The following EEA1 variants were observed in gnomAD, a reference collection of about 807,000 sequenced individuals.
The protein encoded by EEA1 is early endosome antigen 1, also known as early endosome antigen 1, 162kD.
In EEA1, 111 loss-of-function variants were observed where a neutral mutation model predicts 209.2. The observed-to-expected ratio is 0.53, with a 90% CI of 0.45 to 0.62. EEA1 has a LOEUF of 0.62. EEA1 is among the 20% of genes least tolerant of loss of function. The pLI is 0.00. For synonymous variants in EEA1, 536 were observed against 540.6 expected (o/e 0.99, Z 0.12); for missense variants, 1,343 against 1,530.8 (o/e 0.88, Z 2.05).
At position 92,923,160 on chromosome 12, in the gene EEA1, A is replaced by G. The variant is rs769663519; in HGVS notation, c.24+5883T>C. ...CAGGAGATCGAGACCATCCTGGCTA[A>G]CACAGTGAAACCCTGTCTCTACTAA... On this transcript the variant is annotated intron_variant, in intron 1 of 28. Coordinates refer to ENST00000322349, the MANE Select transcript of EEA1 (RefSeq NM_003566.4). Among the ~76,000 whole-genome samples the G allele has an allele frequency of 1.7e-3, 259 of 152,006 alleles. 3 individuals are homozygous for G. The highest frequency in any genetic ancestry group is 2.5e-3 in the Non-Finnish European group (172 of 67,974).
chr12:92,782,034 C>T lies in EEA1; in HGVS notation c.3252G>A (p.Lys1084=), dbSNP rs757872354. 6 of 1,613,160 alleles carry T rather than the reference C, an allele frequency of 3.7e-6. No individual in the cohort carries two copies. The South Asian group carries it at 6.6e-5, about 18-fold the overall frequency. The change falls in exon 23 of 29, where the codon AAG becomes AAA. Residue 1084 remains lysine, a synonymous_variant. Coordinates refer to ENST00000322349, the MANE Select transcript of EEA1 (RefSeq NM_003566.4). ...TTGCTGAATCCTGCTCCAATGTAGC[C>T]TTGGCAGTCTTCAGTTCTTGAATCA... is the stretch of plus-strand genomic sequence containing the variant. ...NKLIQELKTA[K]ATLEQDSAKK...
intron 2 of EEA1, among the ~76,000 whole-genome samples, chr12:92,878,277 A>G (rs1878998006): frequency 6.6e-6 from 1 of 152,186 alleles, no homozygotes; most frequent in Admixed American, 6.5e-5. Context: ...CTACCTTTGG[A>G]AAAAACAAAA....
intron 2 of EEA1, among the ~76,000 whole-genome samples, chr12:92,882,803 T>C (rs562508477): frequency 6.6e-6 from 1 of 152,372 alleles, no homozygotes; most frequent in East Asian, 1.9e-4. Flanking sequence ...ACCATTTCTT[T>C]TTTTTATCCA....
At chr12:92,837,846 T>C (rs575843401) in intron 10 of EEA1, among the ~76,000 whole-genome samples, 3 of 152,350 alleles carry the variant, frequency 2.0e-5, no homozygotes, top group African/African-American at 7.2e-5. Flanking sequence ...GGACATTTCA[T>C]GTAATAGCCT....
intron 20 of EEA1, among the ~76,000 whole-genome samples, chr12:92,801,304 A>G (rs1874897358): frequency 6.6e-6 from 1 of 151,926 alleles, no homozygotes; most frequent in South Asian, 2.1e-4. Context: ...TCAATTTTCT[A>G]CCTTTATTAA....
chr12:92,884,633 A>G (rs1337097665), intron 2 of EEA1: 10 of 1,341,186 alleles, frequency 7.5e-6, no homozygotes, highest in South Asian at 1.2e-5. Flanking sequence ...ATACTTTGCC[A>G]AACCATGAAA....
intron 14 of EEA1, among the ~76,000 whole-genome samples, chr12:92,816,841 T>C (rs1369296004): frequency 6.6e-6 from 1 of 151,718 alleles, no homozygotes; most frequent in African/African-American, 2.4e-5. Context: ...TTATATATTC[T>C]GGGCATTTCT....
chr12:92,773,303 A>C lies in EEA1; in HGVS notation c.*2708T>G, dbSNP rs1033053895. 7 of 152,214 alleles carry C rather than the reference A, an allele frequency of 4.6e-5. No individual in the cohort carries two copies. The highest frequency in any genetic ancestry group is 6.6e-5 in the Admixed American group (1 of 15,224). 9.4% of individuals were successfully genotyped at this position (152,214 alleles called of 1,614,324 possible). A position where few individuals can be genotyped will look rare whatever the true frequency, so the allele number is the denominator to read the frequency against. ...AAAACTATATAAAATAATCATAAAG[A>C]CTTTTTTAAGAGAGATGGGAAAATA... On this transcript the variant is annotated 3_prime_UTR_variant, in exon 29 of 29. Coordinates refer to ENST00000322349, the MANE Select transcript of EEA1 (RefSeq NM_003566.4).
rs182909359 is a variant in EEA1 at position 92,778,010 on chromosome 12, C to T, written c.3824G>A (p.Arg1275Gln). Residue 1275 changes from arginine to glutamine, a missense_variant, in exon 26 of 29, where the codon CGG (arginine) becomes CAG (glutamine). By Grantham distance (43) the Arg-to-Gln change is conservative. Transcript: ENST00000322349. ...TGCTTCTAATACTGCAATTTCACCC[C>T]GTAAGTCATCCGTTTGTTTCTCAAG... is the stretch of plus-strand genomic sequence containing the variant. ...SELEKQTDDL[R>Q]GEIAVLEATV... 35 of 1,613,402 alleles carry T rather than the reference C, an allele frequency of 2.2e-5. No homozygotes were observed. In the East Asian group the frequency reaches 4.2e-4, roughly 20 times the overall value.
rs191583868 is a variant in EEA1 at position 92,866,067 on chromosome 12, G to A, written c.118-1080C>T. Among the ~76,000 whole-genome samples the A allele has an allele frequency of 1.1e-3, 174 of 151,512 alleles. 1 individual carries two copies. Among genetic ancestry groups the A allele is most frequent in the Non-Finnish European group, 2.2e-3 (146 of 67,830 alleles). ...CCCAGCCGGGTGTGGTGGCACACAC[G>A]TGTAGTCCCAGCTACTCAGGAGGCT... On this transcript the variant is annotated intron_variant, in intron 2 of 28. Transcript: ENST00000322349.
chr12:92,864,187 G>T (rs1878272243), intron 3 of EEA1, among the ~76,000 whole-genome samples: 1 of 151,984 alleles, frequency 6.6e-6, no homozygotes, highest in Non-Finnish European at 1.5e-5. Flanking sequence ...TTTCCTTTAT[G>T]TAGTATTCTT....
chr12:92,911,593 T>G (rs1358635379), intron 1 of EEA1, among the ~76,000 whole-genome samples: 1 of 152,236 alleles, frequency 6.6e-6, no homozygotes, highest in Non-Finnish European at 1.5e-5. Context: ...ATCTACAGAA[T>G]GTACAACACC....
intron 21 of EEA1, among the ~76,000 whole-genome samples, chr12:92,794,941 C>T (rs1874593288): frequency 6.6e-6 from 1 of 152,036 alleles, no homozygotes; most frequent in Admixed American, 6.6e-5. Context: ...ATGCACAAAC[C>T]CAAGTTATCC....
At chr12:92,878,715 C>T (rs149352986) in intron 2 of EEA1, among the ~76,000 whole-genome samples, 1,540 of 151,716 alleles carry the variant, frequency 0.01, 18 homozygotes, top group Non-Finnish European at 0.018. Flanking sequence ...AAGTTGGCTA[C>T]CTTAAAAATT....
intron 3 of EEA1, among the ~76,000 whole-genome samples, chr12:92,861,369 C>T (rs964034333): frequency 6.6e-6 from 1 of 152,136 alleles, no homozygotes; most frequent in Non-Finnish European, 1.5e-5. Context: ...GCAGGAGAAT[C>T]GCTTGGACCC....
intron 1 of EEA1, among the ~76,000 whole-genome samples, chr12:92,906,364 G>A (rs1028203011): frequency 6.6e-6 from 1 of 152,160 alleles, no homozygotes; most frequent in East Asian, 1.9e-4. Flanking sequence ...AAAGGGCTGA[G>A]ATTACAGGCA....
intron 17 of EEA1, among the ~76,000 whole-genome samples, chr12:92,809,552 A>G (rs12319351): frequency 0.93 from 137,989 of 149,048 alleles, 63,967 homozygotes; most frequent in East Asian, 1. Flanking sequence ...AAAATTAGCC[A>G]GGCGTGGTGG....
intron 1 of EEA1, among the ~76,000 whole-genome samples, chr12:92,896,841 A>G (rs562171731): frequency 2.8e-4 from 43 of 152,290 alleles, no homozygotes; most frequent in Admixed American, 1.7e-3. Flanking sequence ...CTGGTCAGTC[A>G]GCAGCTATCA....
chr12:92,872,640 G>C (rs1369008645), intron 2 of EEA1, among the ~76,000 whole-genome samples: 3 of 152,100 alleles, frequency 2.0e-5, no homozygotes, highest in African/African-American at 7.2e-5. Flanking sequence ...TATGGCTTGA[G>C]GTTTTGTCAA....
Sources: gnomAD v4.1 joint callset for allele counts (sites outside exome capture counted in the v4.1 genomes callset) on GRCh38, gnomAD v4.1.1 for gene constraint, MANE v1.5 for transcripts, NCBI Gene and HGNC (gene_info 2026-07-23, HGNC 2026-07-21) for gene names.